The following BZW2 variants were observed in gnomAD, a reference collection of about 807,000 sequenced individuals.
The protein encoded by BZW2 is eIF5-mimic protein 1.
Under a neutral mutation model 53.2 loss-of-function variants are expected in BZW2, and 23 were observed. That is an observed-to-expected ratio of 0.43 (90% CI 0.31 to 0.61). BZW2 has a LOEUF of 0.61. Among genes scored for constraint, BZW2 ranks in the 20% least tolerant of loss-of-function variants. The pLI is 0.09. For missense variants in BZW2, 409 were observed against 503.1 expected (o/e 0.81, Z 1.79); for synonymous variants, 227 against 186.4 (o/e 1.22, Z -1.77).
At chr7:16,666,042 G>C (rs1233425180) in intron 2 of BZW2, among the ~76,000 whole-genome samples, 1 of 152,060 alleles carries the variant, frequency 6.6e-6, no homozygotes, top group Admixed American at 6.6e-5. Context: ...CTATTTGTGT[G>C]AGTGACTGTT....
chr7:16,662,823 G>A (rs909587477), intron 1 of BZW2, among the ~76,000 whole-genome samples: 1 of 152,070 alleles, frequency 6.6e-6, no homozygotes. Flanking sequence ...CGGAAAGAAA[G>A]AAGAAAAACA....
chr7:16,661,085 G>A (rs972696583), intron 1 of BZW2: 46 of 152,164 alleles, frequency 3.0e-4, no homozygotes, highest in Admixed American at 2.9e-3. Flanking sequence ...TCATAAAGTT[G>A]TTTGAATAAC....
At chr7:16,659,890 G>A (rs931207896) in intron 1 of BZW2, among the ~76,000 whole-genome samples, 5 of 150,898 alleles carry the variant, frequency 3.3e-5, no homozygotes, top group African/African-American at 1.2e-4. Flanking sequence ...TAGGGTACAT[G>A]TGCACAACGT....
intron 10 of BZW2, 123 bp from the exon 11 acceptor site, chr7:16,704,424 C>A: frequency 9.3e-7 from 1 of 1,080,962 alleles, no homozygotes; most frequent in Non-Finnish European, 1.3e-6. Context: ...TTCCTCTCTT[C>A]TGATAAGTAA....
At chr7:16,661,188 A>G (rs540033413) in intron 1 of BZW2, 2 of 152,268 alleles carry the variant, frequency 1.3e-5, no homozygotes, top group East Asian at 1.9e-4. Context: ...CAAAAATAGA[A>G]TCTAAGACCA....
chr7:16,701,530 C>G lies in BZW2; in HGVS notation c.1109-3017C>G, dbSNP rs145301743. On this transcript the variant is annotated intron_variant, in intron 10 of 11. Coordinates refer to ENST00000258761, the MANE Select transcript of BZW2 (RefSeq NM_014038.3). ...TGACTTGTGTCCCTATGTGACATTC[C>G]TAATAAAAAAATTTCTGAATTTCAA... Among the ~76,000 whole-genome samples the G allele has an allele frequency of 1.7e-3, 258 of 152,070 alleles. 3 individuals are homozygous for G. Among genetic ancestry groups the G allele is most frequent in the African/African-American group, 5.7e-3 (236 of 41,498 alleles).
Position 16,646,237 on chromosome 7 carries a change from A to G in BZW2, c.-59A>G. 2.9e-6 allele frequency: 1 copy of G among 344,232 alleles called. No individual in the cohort carries two copies. The highest frequency in any genetic ancestry group is 2.1e-5 in the South Asian group (1 of 46,674). The allele number at this position is 344,232 out of a possible 1,614,324, so 21.3% of individuals were successfully genotyped here. ...CTGCTGCTGCTGCCGCTGCTGCTGC[A>G]CGAATCGCCGCAGCCCCCAGCCTTG... On this transcript the variant is annotated 5_prime_UTR_variant, in exon 1 of 12. Transcript: ENST00000258761.
intron 10 of BZW2, among the ~76,000 whole-genome samples, chr7:16,703,828 C>T (rs2128372015): frequency 6.6e-6 from 1 of 152,214 alleles, no homozygotes; most frequent in East Asian, 1.9e-4. Context: ...GAGTTTTAGA[C>T]AAAAGATAGT....
chr7:16,705,712 G>C (rs1486085104), intron 11 of BZW2, among the ~76,000 whole-genome samples: 1 of 146,894 alleles, frequency 6.8e-6, no homozygotes, highest in Non-Finnish European at 1.5e-5. Flanking sequence ...AGAATAAAAA[G>C]TTTATCTTAG....
At chr7:16,654,509 A>AC (rs201245130) in intron 1 of BZW2, among the ~76,000 whole-genome samples, 2,920 of 119,366 alleles carry the variant, frequency 0.024, 69 homozygotes, top group East Asian at 0.16. Flanking sequence ...TCTGTATATA[A>AC]CCCCCCCCCC....
At chr7:16,669,251 G>A (rs896252688) in intron 2 of BZW2, among the ~76,000 whole-genome samples, 10 of 152,228 alleles carry the variant, frequency 6.6e-5, no homozygotes, top group South Asian at 2.1e-4. Flanking sequence ...TCAACCTCCC[G>A]AGTAGCTGGG....
At chr7:16,679,086 A>G (rs1782859690) in intron 3 of BZW2, among the ~76,000 whole-genome samples, 1 of 152,142 alleles carries the variant, frequency 6.6e-6, no homozygotes, top group Non-Finnish European at 1.5e-5. Flanking sequence ...GAGCAGACAC[A>G]ACTGGTCTGA....
chr7:16,706,033 A>T (rs748647218), intron 11 of BZW2, 27 bp from the exon 12 acceptor site: 5 of 1,613,578 alleles, frequency 3.1e-6, no homozygotes, highest in Non-Finnish European at 4.2e-6. Context: ...CTGGGAGGAA[A>T]TATCTCACTT....
At chr7:16,664,498 G>A (rs1782360972) in intron 1 of BZW2, among the ~76,000 whole-genome samples, 1 of 152,196 alleles carries the variant, frequency 6.6e-6, no homozygotes, top group African/African-American at 2.4e-5. Context: ...TCAGAAGCCA[G>A]ACCTTATCTG....
chr7:16,650,498 A>T (rs911363123), intron 1 of BZW2, among the ~76,000 whole-genome samples: 8 of 152,178 alleles, frequency 5.3e-5, no homozygotes, highest in Non-Finnish European at 1.0e-4. Flanking sequence ...ACAGGGTGTG[A>T]CTGGTAGGTT....
At chr7:16,682,990 G>GT (rs1330107219) in intron 5 of BZW2, 145 bp downstream of exon 5, 11 of 385,814 alleles carry the variant, frequency 2.9e-5, no homozygotes, top group Non-Finnish European at 4.6e-5. Flanking sequence ...AAGGTCAGGA[G>GT]TTTAAGACCA....
chr7:16,679,700 T>C (rs926278893), intron 3 of BZW2, among the ~76,000 whole-genome samples: 3 of 152,234 alleles, frequency 2.0e-5, no homozygotes, highest in Non-Finnish European at 4.4e-5. Flanking sequence ...GAGTGGCTAA[T>C]GAGTAGAGAG....
chr7:16,690,362 C>G (rs753740237), intron 7 of BZW2, among the ~76,000 whole-genome samples: 9 of 152,022 alleles, frequency 5.9e-5, no homozygotes, highest in Non-Finnish European at 1.2e-4. Context: ...CCACCACACC[C>G]AGCTAATTTT....
chr7:16,650,062 T>G (rs1166100469), intron 1 of BZW2, among the ~76,000 whole-genome samples: 1 of 152,250 alleles, frequency 6.6e-6, no homozygotes, highest in Non-Finnish European at 1.5e-5. Context: ...AAATGTTCTT[T>G]TTTCTATACT....
Sources: gnomAD v4.1 joint callset for allele counts (sites outside exome capture counted in the v4.1 genomes callset) on GRCh38, gnomAD v4.1.1 for gene constraint, MANE v1.5 for transcripts, NCBI Gene and HGNC (gene_info 2026-07-23, HGNC 2026-07-21) for gene names.